The following CCSER1 variants were observed in gnomAD, a reference collection of about 807,000 sequenced individuals.
CCSER1 encodes the protein serine-rich coiled-coil domain-containing protein 1.
CCSER1 carries 41 observed loss-of-function variants against 82.0 expected under a neutral mutation model. The observed-to-expected ratio is 0.50, with a 90% confidence interval of 0.39 to 0.65. The LOEUF (loss-of-function observed/expected upper bound fraction) is 0.65. CCSER1 is among the 30% of genes least tolerant of loss of function. The probability of loss-of-function intolerance (pLI) is 0.00; values close to 1 mark genes in which losing one functional copy is unlikely to be tolerated. For missense variants in CCSER1, 1,119 were observed against 1,064.2 expected (o/e 1.05, Z -0.72); for synonymous variants, 414 against 383.9 (o/e 1.08, Z -0.92).
intron 10 of CCSER1, among the ~76,000 whole-genome samples, chr4:91,224,162 G>T (rs1737970020): frequency 6.6e-6 from 1 of 151,120 alleles, no homozygotes; most frequent in East Asian, 2.0e-4. Flanking sequence ...AACCTTACTT[G>T]GCTTAGAAAG....
intron 10 of CCSER1, among the ~76,000 whole-genome samples, chr4:91,407,055 C>T (rs1752745044): frequency 6.6e-6 from 1 of 152,068 alleles, no homozygotes; most frequent in African/African-American, 2.4e-5. Flanking sequence ...CCCCTTTAAC[C>T]CTTCTTGCTT....
intron 10 of CCSER1, among the ~76,000 whole-genome samples, chr4:91,299,976 ACATTGC>A (rs2149236633): frequency 6.6e-6 from 1 of 151,766 alleles, no homozygotes; most frequent in South Asian, 2.1e-4. Context: ...AAAAAACAAA[ACATTGC>A]CAAGTTAGCA....
intron 1 of CCSER1, among the ~76,000 whole-genome samples, chr4:90,265,923 T>C (rs1725158059): frequency 6.6e-6 from 1 of 152,176 alleles, no homozygotes; most frequent in Non-Finnish European, 1.5e-5. Context: ...AATACAAGTT[T>C]AGTTCTGTTG....
chr4:90,717,106 A>G (rs939803610), intron 6 of CCSER1, among the ~76,000 whole-genome samples: 2 of 152,188 alleles, frequency 1.3e-5, no homozygotes, highest in African/African-American at 4.8e-5. Context: ...TTCCACCACA[A>G]TTCCCAGATT....
chr4:90,954,602 G>A lies in CCSER1; in HGVS notation c.2172+31155G>A, dbSNP rs1430694583. Among the ~76,000 whole-genome samples the A allele has an allele frequency of 3.3e-5, 5 of 152,004 alleles. No homozygotes were observed. In the East Asian group the frequency reaches 7.7e-4, roughly 23 times the overall value. On this transcript the variant is annotated intron_variant, in intron 9 of 10. Coordinates refer to ENST00000509176, the MANE Select transcript of CCSER1 (RefSeq NM_001145065.2). ...CACACATGAACTAACACATTAAATAGTGCTTTCAGCTTCCACTTAGTGTAG... is the reference window on the plus strand; with the variant it reads ...CACACATGAACTAACACATTAAATAATGCTTTCAGCTTCCACTTAGTGTAG...
At chr4:91,163,900 CT>C (rs1332033782) in intron 10 of CCSER1, among the ~76,000 whole-genome samples, 2 of 152,114 alleles carry the variant, frequency 1.3e-5, no homozygotes, top group African/African-American at 4.8e-5. Flanking sequence ...GAGTCTGTGT[CT>C]TTTAATCAGG....
intron 4 of CCSER1, among the ~76,000 whole-genome samples, chr4:90,459,730 T>A (rs1762639288): frequency 6.6e-6 from 1 of 152,226 alleles, no homozygotes; most frequent in Admixed American, 6.5e-5. Context: ...AATTTTCTAT[T>A]TATTAAAATA....
chr4:90,967,062 A>G (rs1293462362), intron 9 of CCSER1, among the ~76,000 whole-genome samples: 1 of 152,116 alleles, frequency 6.6e-6, no homozygotes, highest in African/African-American at 2.4e-5. Context: ...AGATTGATAA[A>G]TTAAATAGAA....
chr4:90,611,786 T>A (rs963671061), intron 5 of CCSER1, among the ~76,000 whole-genome samples: 43 of 148,106 alleles, frequency 2.9e-4, no homozygotes, highest in Non-Finnish European at 2.8e-4. Context: ...ACAGGCTTTA[T>A]ATATATTATA....
chr4:90,353,049 A>G (rs979578790), intron 3 of CCSER1, among the ~76,000 whole-genome samples: 3 of 152,174 alleles, frequency 2.0e-5, no homozygotes, highest in African/African-American at 4.8e-5. Context: ...GATGTTATGA[A>G]AAAACAGAAG....
At position 91,604,849 on chromosome 4, in the gene CCSER1, C is replaced by G. The variant is rs1028766527; in HGVS notation, c.*5792C>G. On this transcript the variant is annotated 3_prime_UTR_variant, in exon 11 of 11. Transcript: ENST00000509176. ...AATAAAATGTATTATATTTTGTAGT[C>G]AATTATATATACCAAAATAATGTCT... 2 of 151,800 alleles carry G rather than the reference C, an allele frequency of 1.3e-5. No homozygotes were observed. Among genetic ancestry groups the G allele is most frequent in the Admixed American group, 6.6e-5 (1 of 15,232 alleles). 9.4% of individuals were successfully genotyped at this position (151,800 alleles called of 1,614,324 possible).
intron 7 of CCSER1, among the ~76,000 whole-genome samples, chr4:90,756,284 T>C (rs771148257): frequency 6.6e-6 from 1 of 152,128 alleles, no homozygotes; most frequent in African/African-American, 2.4e-5. Flanking sequence ...AATAGAAAAT[T>C]GTTTACTCTC....
At chr4:91,099,034 G>A (rs1703957251) in intron 10 of CCSER1, among the ~76,000 whole-genome samples, 1 of 152,118 alleles carries the variant, frequency 6.6e-6, no homozygotes, top group Admixed American at 6.5e-5. Flanking sequence ...TTATAGCCTT[G>A]TGCATTGAAT....
At chr4:91,548,480 A>G (rs1761996509) in intron 10 of CCSER1, among the ~76,000 whole-genome samples, 1 of 151,724 alleles carries the variant, frequency 6.6e-6, no homozygotes, top group Non-Finnish European at 1.5e-5. Flanking sequence ...TCAAGTTTCT[A>G]GTCTGTATTG....
intron 10 of CCSER1, among the ~76,000 whole-genome samples, chr4:91,360,966 A>G (rs1255345514): frequency 6.6e-6 from 1 of 151,854 alleles, no homozygotes; most frequent in Non-Finnish European, 1.5e-5. Flanking sequence ...AACTCCTTTG[A>G]GATAAAAAGC....
intron 10 of CCSER1, among the ~76,000 whole-genome samples, chr4:91,414,849 G>T (rs977522116): frequency 9.2e-5 from 14 of 152,210 alleles, no homozygotes; most frequent in African/African-American, 2.9e-4. Flanking sequence ...TATATAATGG[G>T]TTGATTGATT....
At chr4:91,585,508 G>A (rs1455367136) in intron 10 of CCSER1, among the ~76,000 whole-genome samples, 2 of 151,454 alleles carry the variant, frequency 1.3e-5, no homozygotes, top group Non-Finnish European at 3.0e-5. Context: ...TGCATTATAT[G>A]TATGTATATA....
chr4:90,684,927 T>C (rs1579912064), intron 6 of CCSER1, among the ~76,000 whole-genome samples: 1 of 152,280 alleles, frequency 6.6e-6, no homozygotes, highest in South Asian at 2.1e-4. Context: ...GTGAGGCCTT[T>C]CCAGCCACAT....
chr4:91,383,951 A>G (rs886940175), intron 10 of CCSER1, among the ~76,000 whole-genome samples: 23 of 152,260 alleles, frequency 1.5e-4, no homozygotes, highest in African/African-American at 5.3e-4. Context: ...TAAAATCCCA[A>G]CACTGCTGTT....
Sources: allele counts gnomAD v4.1 joint callset (sites outside exome capture counted in the v4.1 genomes callset), GRCh38; gene constraint gnomAD v4.1.1; transcripts MANE v1.5; gene names NCBI Gene and HGNC (gene_info 2026-07-23, HGNC 2026-07-21).